GPC5: variants seen among roughly 807,000 people sequenced by gnomAD.
GPC5 encodes glypican 5, also known as glypican-5.
In GPC5, 47 loss-of-function variants were observed where a neutral mutation model predicts 53.9. The ratio of observed to expected loss-of-function variants is 0.87; its 90% CI spans 0.69 to 1.11. The LOEUF is 1.11. Among genes scored for constraint, GPC5 ranks in the 50% most tolerant of loss-of-function variants. GPC5 has a pLI of 0.00. For synonymous variants in GPC5, 286 were observed against 263.3 expected (o/e 1.09, Z -0.84); for missense variants, 748 against 713.1 (o/e 1.05, Z -0.56).
At chr13:91,968,957 C>G (rs1270191236) in intron 6 of GPC5, among the ~76,000 whole-genome samples, 3 of 150,600 alleles carry the variant, frequency 2.0e-5, no homozygotes, top group Admixed American at 1.3e-4. Flanking sequence ...CTCTTTTTTT[C>G]TATTTCTTTT....
intron 7 of GPC5, among the ~76,000 whole-genome samples, chr13:92,680,321 T>C (rs1887074497): frequency 6.6e-6 from 1 of 152,206 alleles, no homozygotes; most frequent in African/African-American, 2.4e-5. Flanking sequence ...GATTCAACTC[T>C]TTTCAACAAA....
chr13:92,402,061 C>A (rs548560850), intron 7 of GPC5, among the ~76,000 whole-genome samples: 1 of 152,114 alleles, frequency 6.6e-6, no homozygotes, highest in Non-Finnish European at 1.5e-5. Context: ...ATAGTTAATT[C>A]CTTTTTCCCG....
intron 7 of GPC5, among the ~76,000 whole-genome samples, chr13:92,732,500 TTTC>T (rs1298215116): frequency 6.6e-6 from 1 of 151,550 alleles, no homozygotes; most frequent in African/African-American, 2.4e-5. Context: ...GATTTGATTA[TTTC>T]TTCTTTGATT....
intron 2 of GPC5, among the ~76,000 whole-genome samples, chr13:91,556,862 G>T (rs1483444030): frequency 6.6e-6 from 1 of 151,830 alleles, no homozygotes; most frequent in Non-Finnish European, 1.5e-5. Flanking sequence ...CAAAAATTGG[G>T]TTCAGTATAT....
intron 7 of GPC5, among the ~76,000 whole-genome samples, chr13:92,545,499 A>C (rs1882079348): frequency 6.6e-6 from 1 of 152,168 alleles, no homozygotes; most frequent in South Asian, 2.1e-4. Context: ...CACCACACTG[A>C]CTTCCACAAT....
At chr13:92,419,999 A>G (rs1876490226) in intron 7 of GPC5, among the ~76,000 whole-genome samples, 1 of 152,048 alleles carries the variant, frequency 6.6e-6, no homozygotes, top group Non-Finnish European at 1.5e-5. Flanking sequence ...TGACCTCTCC[A>G]CCTAGTTCTT....
At chr13:92,787,498 A>G (rs758667942) in intron 7 of GPC5, among the ~76,000 whole-genome samples, 1 of 151,688 alleles carries the variant, frequency 6.6e-6, no homozygotes, top group Non-Finnish European at 1.5e-5. Flanking sequence ...AAAACAGTAA[A>G]TTAGAAGGTA....
chr13:92,275,867 A>T (rs2139161395), intron 7 of GPC5, among the ~76,000 whole-genome samples: 1 of 152,260 alleles, frequency 6.6e-6, no homozygotes, highest in South Asian at 2.1e-4. Context: ...GATATTAGTG[A>T]CCCAGTAATA....
At chr13:92,369,649 T>G (rs1428856684) in intron 7 of GPC5, among the ~76,000 whole-genome samples, 4 of 152,232 alleles carry the variant, frequency 2.6e-5, no homozygotes, top group Non-Finnish European at 1.5e-5. Context: ...TTGATGAATG[T>G]CAATATAAAT....
In GPC5 at chr13:91,686,568, G is replaced by A. The variant is rs527303683; in HGVS notation, c.326-6619G>A. Among the ~76,000 whole-genome samples, 3 of 152,012 alleles carry A rather than the reference G, an allele frequency of 2.0e-5. No homozygotes were observed. In the East Asian group the frequency reaches 5.8e-4, roughly 29 times the overall value. On this transcript the variant is annotated intron_variant, in intron 2 of 7. Coordinates refer to ENST00000377067, the MANE Select transcript of GPC5 (RefSeq NM_004466.6). Reference sequence around the variant, plus strand: ...CGCTTCCAGTCTAGAGAATTAGGTAGTTGCTTCTTTTATTTAAAAATATAT... The same window carrying A: ...CGCTTCCAGTCTAGAGAATTAGGTAATTGCTTCTTTTATTTAAAAATATAT...
chr13:92,174,555 AAC>A (rs1451907005), intron 7 of GPC5, among the ~76,000 whole-genome samples: 12 of 147,380 alleles, frequency 8.1e-5, no homozygotes, highest in South Asian at 2.1e-4. Flanking sequence ...AAAAAACAAA[AAC>A]AACAACAACA....
chr13:92,045,415 A>C (rs901545596), intron 6 of GPC5, among the ~76,000 whole-genome samples: 10 of 152,184 alleles, frequency 6.6e-5, no homozygotes, highest in African/African-American at 1.7e-4. Context: ...AAGAAGCTAA[A>C]CAGTGGTAAG....
chr13:92,811,686 A>G (rs778467425), intron 7 of GPC5, among the ~76,000 whole-genome samples: 19 of 152,032 alleles, frequency 1.2e-4, no homozygotes, highest in Middle Eastern at 3.4e-3. Flanking sequence ...CCAAACTCAA[A>G]TTCAAGAAGA....
intron 2 of GPC5, among the ~76,000 whole-genome samples, chr13:91,465,013 A>G (rs555808608): frequency 1.2e-4 from 19 of 152,294 alleles, no homozygotes; most frequent in African/African-American, 3.8e-4. Flanking sequence ...GTTTCAAAAC[A>G]AAAAGAAATA....
chr13:91,816,096 GC>G (rs1265983244), intron 5 of GPC5, among the ~76,000 whole-genome samples: 3 of 152,072 alleles, frequency 2.0e-5, no homozygotes, highest in Non-Finnish European at 2.9e-5. Flanking sequence ...GATCAGTAAG[GC>G]CTACTTTAGC....
intron 7 of GPC5, among the ~76,000 whole-genome samples, chr13:92,451,900 T>A (rs565125311): frequency 5.7e-4 from 87 of 152,288 alleles, no homozygotes; most frequent in Non-Finnish European, 9.0e-4. Context: ...ATACGTTTAG[T>A]ACAAGTATCT....
intron 2 of GPC5, among the ~76,000 whole-genome samples, chr13:91,632,494 G>A (rs2034183295): frequency 6.6e-6 from 1 of 152,034 alleles, no homozygotes; most frequent in Admixed American, 6.6e-5. Context: ...GAAAACAGGA[G>A]GGTTATATTA....
intron 7 of GPC5, among the ~76,000 whole-genome samples, chr13:92,292,884 G>A (rs2043007681): frequency 6.6e-6 from 1 of 151,980 alleles, no homozygotes. Context: ...TCCTACATGT[G>A]GCTAGCCAAT....
At chr13:91,785,505 A>T (rs2037864080) in intron 5 of GPC5, among the ~76,000 whole-genome samples, 1 of 139,650 alleles carries the variant, frequency 7.2e-6, no homozygotes, top group African/African-American at 2.8e-5. Flanking sequence ...TACGATATTG[A>T]TTAACATATT....
Sources: gnomAD v4.1 joint callset for allele counts (sites outside exome capture counted in the v4.1 genomes callset) on GRCh38, gnomAD v4.1.1 for gene constraint, MANE v1.5 for transcripts, NCBI Gene and HGNC (gene_info 2026-07-23, HGNC 2026-07-21) for gene names.